Variants in PARD3B observed in about 807,000 individuals in gnomAD.
PARD3B encodes par-3 family cell polarity regulator beta.
In PARD3B, 103 loss-of-function variants were observed where a neutral mutation model predicts 130.2. The observed-to-expected ratio is 0.79, with a 90% CI of 0.67 to 0.93. PARD3B has a LOEUF of 0.93. PARD3B is among the 40% of genes least tolerant of loss of function. The pLI is 0.00. For missense variants in PARD3B, 1,609 were observed against 1,499.2 expected (o/e 1.07, Z -1.21); for synonymous variants, 583 against 553.2 (o/e 1.05, Z -0.76).
Position 204,835,549 on chromosome 2 carries a change from G to T in PARD3B, c.223-129603G>T, listed in dbSNP as rs140334169. ...GTTTGCCACTCCCTTCCCCAAACTT[G>T]TATTGGGAAAGCAGTTTGATGGTTG... On this transcript the variant is annotated intron_variant, in intron 2 of 22. Coordinates refer to ENST00000406610, the MANE Select transcript of PARD3B (RefSeq NM_001302769.2). Among the ~76,000 whole-genome samples the T allele has an allele frequency of 1.5e-3, 234 of 152,086 alleles. 1 individual carries two copies. The highest frequency in any genetic ancestry group is 5.3e-3 in the African/African-American group (220 of 41,472).
At chr2:204,666,123 A>T (rs1314303960) in intron 1 of PARD3B, among the ~76,000 whole-genome samples, 1 of 152,164 alleles carries the variant, frequency 6.6e-6, no homozygotes, top group Non-Finnish European at 1.5e-5. Flanking sequence ...TGGGCTCTCA[A>T]GTGGGGGAGT....
intron 18 of PARD3B, among the ~76,000 whole-genome samples, chr2:205,376,247 G>A (rs541697726): frequency 6.6e-6 from 1 of 152,280 alleles, no homozygotes; most frequent in African/African-American, 2.4e-5. Flanking sequence ...AACAGCTGGG[G>A]ATCAAAGCAG....
At chr2:205,508,891 C>T (rs1329302374) in intron 21 of PARD3B, among the ~76,000 whole-genome samples, 1 of 151,520 alleles carries the variant, frequency 6.6e-6, no homozygotes, top group Non-Finnish European at 1.5e-5. Context: ...AGATTTTGCT[C>T]ACTTAGATTT....
intron 18 of PARD3B, among the ~76,000 whole-genome samples, chr2:205,388,802 G>A (rs551227124): frequency 1.5e-3 from 231 of 152,254 alleles, no homozygotes; most frequent in Non-Finnish European, 2.8e-3. Context: ...CATCACACTA[G>A]GTCAGCTCCT....
At chr2:205,238,261 T>C (rs2039157056) in intron 15 of PARD3B, among the ~76,000 whole-genome samples, 1 of 152,164 alleles carries the variant, frequency 6.6e-6, no homozygotes, top group Non-Finnish European at 1.5e-5. Flanking sequence ...AGAAATAGTA[T>C]GTGTTACTTA....
chr2:204,591,827 TTTC>T (rs2033084068), intron 1 of PARD3B, among the ~76,000 whole-genome samples: 1 of 152,240 alleles, frequency 6.6e-6, no homozygotes, highest in Non-Finnish European at 1.5e-5. Context: ...CCATTAATAA[TTTC>T]TTGGAGTGCT....
intron 1 of PARD3B, among the ~76,000 whole-genome samples, chr2:204,615,458 C>T (rs1012733012): frequency 5.3e-5 from 8 of 152,134 alleles, no homozygotes; most frequent in Non-Finnish European, 1.2e-4. Flanking sequence ...CAAACGCTGA[C>T]ACATCTCATT....
chr2:204,703,335 T>C (rs2037983025), intron 2 of PARD3B, among the ~76,000 whole-genome samples: 1 of 152,200 alleles, frequency 6.6e-6, no homozygotes, highest in African/African-American at 2.4e-5. Flanking sequence ...GTTTGTCCCA[T>C]GAGGCTGTAT....
intron 1 of PARD3B, among the ~76,000 whole-genome samples, chr2:204,637,053 T>A (rs1014186937): frequency 6.6e-6 from 1 of 152,132 alleles, no homozygotes; most frequent in East Asian, 1.9e-4. Context: ...CTTAATCCCT[T>A]TATTCTTTCA....
intron 1 of PARD3B, among the ~76,000 whole-genome samples, chr2:204,683,933 A>G (rs2036957323): frequency 6.6e-6 from 1 of 151,884 alleles, no homozygotes. Flanking sequence ...CTTAGTTTCA[A>G]CTCCGTGTCT....
intron 2 of PARD3B, among the ~76,000 whole-genome samples, chr2:204,916,875 G>C (rs1340628095): frequency 6.6e-6 from 1 of 152,140 alleles, no homozygotes; most frequent in African/African-American, 2.4e-5. Flanking sequence ...TCATTTGTCT[G>C]ACATGTGTTT....
At chr2:205,113,422 G>A (rs1457267532) in intron 5 of PARD3B, 69 bp from the exon 6 acceptor site, 16 of 859,110 alleles carry the variant, frequency 1.9e-5, no homozygotes, top group Admixed American at 6.1e-5. Context: ...GTGTGTGTGT[G>A]TATTTTAGAT....
intron 2 of PARD3B, among the ~76,000 whole-genome samples, chr2:204,935,536 C>G (rs896057338): frequency 3.3e-5 from 5 of 151,282 alleles, no homozygotes; most frequent in African/African-American, 1.2e-4. Flanking sequence ...AAGACTCCGT[C>G]TCAAAAACAA....
At chr2:205,330,233 C>G (rs992392738) in intron 18 of PARD3B, among the ~76,000 whole-genome samples, 11 of 151,746 alleles carry the variant, frequency 7.2e-5, no homozygotes, top group Non-Finnish European at 5.9e-5. Context: ...CCCAGCTACT[C>G]AGGAGGCTGA....
At chr2:205,485,722 C>G (rs757094461) in intron 20 of PARD3B, among the ~76,000 whole-genome samples, 1 of 152,134 alleles carries the variant, frequency 6.6e-6, no homozygotes, top group Non-Finnish European at 1.5e-5. Context: ...CCCAGTTTCT[C>G]CACACATTCC....
At chr2:204,854,121 T>C (rs1044419055) in intron 2 of PARD3B, among the ~76,000 whole-genome samples, 3 of 151,908 alleles carry the variant, frequency 2.0e-5, no homozygotes, top group Non-Finnish European at 2.9e-5. Context: ...ATCATGAGAA[T>C]GAAATAAAGC....
At chr2:204,602,009 A>C (rs772327490) in intron 1 of PARD3B, among the ~76,000 whole-genome samples, 4 of 152,042 alleles carry the variant, frequency 2.6e-5, no homozygotes, top group African/African-American at 9.7e-5. Context: ...GGCTAAAACC[A>C]GAGATCATTG....
chr2:204,823,790 A>C (rs1305584346), intron 2 of PARD3B, among the ~76,000 whole-genome samples: 1 of 152,088 alleles, frequency 6.6e-6, no homozygotes, highest in African/African-American at 2.4e-5. Context: ...TAATACAAAA[A>C]TTATTCAGGC....
chr2:204,800,688 T>A (rs1324830657), intron 2 of PARD3B, among the ~76,000 whole-genome samples: 1 of 152,198 alleles, frequency 6.6e-6, no homozygotes, highest in African/African-American at 2.4e-5. Flanking sequence ...GATAGTTTCT[T>A]TTGCTGTGCA....
Sources: allele counts gnomAD v4.1 joint callset (sites outside exome capture counted in the v4.1 genomes callset), GRCh38; gene constraint gnomAD v4.1.1; transcripts MANE v1.5; gene names NCBI Gene and HGNC (gene_info 2026-07-23, HGNC 2026-07-21).